The following ATP11C variants were observed in gnomAD, a reference collection of about 807,000 sequenced individuals.
The protein encoded by ATP11C is phospholipid-transporting ATPase IG.
In ATP11C, 36 loss-of-function variants were observed where a neutral mutation model predicts 97.4. That is an observed-to-expected ratio of 0.37 (90% CI 0.28 to 0.49). ATP11C has a LOEUF of 0.49. Ranked by LOEUF, ATP11C falls within the 20% of genes least tolerant of loss-of-function variation. The probability of loss-of-function intolerance (pLI) is 0.98; values close to 1 mark genes in which losing one functional copy is unlikely to be tolerated. For synonymous variants in ATP11C, 275 were observed against 290.9 expected, an observed-to-expected ratio of 0.95 and a Z score of 0.56; for missense variants, 730 against 824.6, an observed-to-expected ratio of 0.89 and a Z score of 1.40.
chrX:139,891,159 T>A (rs1200941836), intron 1 of ATP11C, among the ~76,000 whole-genome samples: 1 of 39,893 alleles, frequency 2.5e-5, no homozygotes, highest in African/African-American at 1.1e-4. Context: ...AAGATTTGCA[T>A]AAAGAAAGAT....
At chrX:139,881,136 G>A (rs1051569731) in intron 1 of ATP11C, among the ~76,000 whole-genome samples, 1 of 111,825 alleles carries the variant, frequency 8.9e-6, no homozygotes, top group African/African-American at 3.3e-5. Context: ...CTCTATGCCA[G>A]GCACAGTCTA....
chrX:139,739,952 A>G (rs764167527), intron 27 of ATP11C, among the ~76,000 whole-genome samples: 2 of 112,039 alleles, frequency 1.8e-5, no homozygotes, highest in East Asian at 5.7e-4. Context: ...TAAAGCTGGT[A>G]CTTCCTTAAA....
Position 139,932,123 on chromosome X carries a change from T to C in ATP11C, c.-81A>G. 1 of 973,937 alleles carries C rather than the reference T, an allele frequency of 1.0e-6. No homozygotes were observed. The highest frequency in any genetic ancestry group is 1.3e-6 in the Non-Finnish European group (1 of 753,231). 80.3% of individuals were successfully genotyped at this position (973,937 alleles called of 1,213,427 possible). A position where few individuals can be genotyped will look rare whatever the true frequency, so the allele number is the denominator to read the frequency against. ...GCCGTCCACAAAACACACTGCGGCG[T>C]GGGCCGGCGGCGCCAAGCGGAGCAG... On this transcript the variant is annotated 5_prime_UTR_variant, in exon 1 of 30. Coordinates refer to ENST00000682941, the MANE Select transcript of ATP11C (RefSeq NM_001353812.2).
chrX:139,918,282 T>C (rs1048571199), intron 1 of ATP11C, among the ~76,000 whole-genome samples: 4 of 111,309 alleles, frequency 3.6e-5, no homozygotes, highest in African/African-American at 1.3e-4. Context: ...AAACAAAATA[T>C]ATATATACGC....
intron 1 of ATP11C, among the ~76,000 whole-genome samples, chrX:139,866,358 A>AAAAAAAAAAC (rs1322433539): frequency 9.5e-6 from 1 of 105,602 alleles, no homozygotes. Flanking sequence ...AAAAAAAAAA[A>AAAAAAAAAAC]AAAAAAAAAC....
intron 1 of ATP11C, among the ~76,000 whole-genome samples, chrX:139,846,179 C>A (rs993275857): frequency 1.8e-5 from 2 of 112,082 alleles, no homozygotes; most frequent in African/African-American, 6.5e-5. Flanking sequence ...TATAACAAAC[C>A]GGAATAAGCT....
At chrX:139,928,672 G>A (rs1355546990) in intron 1 of ATP11C, among the ~76,000 whole-genome samples, 1 of 110,951 alleles carries the variant, frequency 9.0e-6, no homozygotes, top group African/African-American at 3.3e-5. Flanking sequence ...TCCTAGTCCT[G>A]GGCATCTTCT....
intron 1 of ATP11C, among the ~76,000 whole-genome samples, chrX:139,841,887 T>C (rs185072000): frequency 1.5e-3 from 173 of 112,375 alleles, no homozygotes; most frequent in African/African-American, 5.1e-3. Flanking sequence ...TAAGGAAAGT[T>C]ATTTCTTCCT....
At chrX:139,868,697 A>T (rs2084323458) in intron 1 of ATP11C, among the ~76,000 whole-genome samples, 1 of 108,361 alleles carries the variant, frequency 9.2e-6, no homozygotes, top group Non-Finnish European at 1.9e-5. Context: ...ACTGCACTCC[A>T]GCCTGGGTGA....
intron 1 of ATP11C, among the ~76,000 whole-genome samples, chrX:139,887,754 T>C (rs2084666541): frequency 9.0e-6 from 1 of 111,071 alleles, no homozygotes; most frequent in Non-Finnish European, 1.9e-5. Flanking sequence ...CGGATTTGCC[T>C]GAGCTCAGGA....
chrX:139,727,406 C>A lies in ATP11C; in HGVS notation c.*1560G>T, dbSNP rs183632238. 236 of 110,635 alleles carry A rather than the reference C, an allele frequency of 2.1e-3. No individual in the cohort carries two copies. The highest frequency in any genetic ancestry group is 3.2e-3 in the Non-Finnish European group (168 of 52,672). The allele number at this position is 110,635 out of a possible 1,213,427, so 9.1% of individuals were successfully genotyped here. A position where few individuals can be genotyped will look rare whatever the true frequency, so the allele number is the denominator to read the frequency against. Reference sequence around the variant, plus strand: ...TGTGAATGACATGTAACAAAATGCTCAAAAATAATACTGATATATGAGAGC... The same window carrying A: ...TGTGAATGACATGTAACAAAATGCTAAAAAATAATACTGATATATGAGAGC... On this transcript the variant is annotated 3_prime_UTR_variant, in exon 30 of 30. Coordinates refer to ENST00000682941, the MANE Select transcript of ATP11C (RefSeq NM_001353812.2).
intron 1 of ATP11C, among the ~76,000 whole-genome samples, chrX:139,909,744 T>C (rs1320336605): frequency 8.9e-6 from 1 of 111,993 alleles, no homozygotes; most frequent in Non-Finnish European, 1.9e-5. Context: ...TGTGTATCCA[T>C]AAATATCTCA....
intron 1 of ATP11C, among the ~76,000 whole-genome samples, chrX:139,879,062 A>G (rs1159912453): frequency 9.0e-6 from 1 of 111,493 alleles, no homozygotes; most frequent in East Asian, 2.8e-4. Context: ...GTGAGCCACG[A>G]TAGTACCACT....
intron 1 of ATP11C, among the ~76,000 whole-genome samples, chrX:139,856,360 G>A (rs1020569027): frequency 8.9e-6 from 1 of 112,970 alleles, no homozygotes; most frequent in Non-Finnish European, 1.9e-5. Context: ...TGACAGGGAG[G>A]AAACTTATCA....
chrX:139,800,303 A>G (rs1203323929), intron 7 of ATP11C, among the ~76,000 whole-genome samples, 193 bp from the exon 8 acceptor site: 1 of 112,112 alleles, frequency 8.9e-6, no homozygotes, highest in Non-Finnish European at 1.9e-5. Context: ...ACATTTTCAT[A>G]TAATTTTTAA....
At chrX:139,765,468 A>C (rs1376474448) in intron 20 of ATP11C, among the ~76,000 whole-genome samples, 1 of 112,131 alleles carries the variant, frequency 8.9e-6, no homozygotes, top group East Asian at 2.8e-4. Flanking sequence ...CATCCATGTA[A>C]GAAGGCCTAG....
intron 1 of ATP11C, among the ~76,000 whole-genome samples, chrX:139,866,312 C>CCAG (rs1287837289): frequency 1.1e-5 from 1 of 93,799 alleles, no homozygotes; most frequent in Non-Finnish European, 2.0e-5. Flanking sequence ...CCACTATACT[C>CCAG]CAGCCTGGGT....
At chrX:139,892,075 T>C (rs991996383) in intron 1 of ATP11C, among the ~76,000 whole-genome samples, 2 of 111,551 alleles carry the variant, frequency 1.8e-5, no homozygotes, top group African/African-American at 6.5e-5. Flanking sequence ...CAGGCTGGTC[T>C]CCAATTCCTG....
In ATP11C at chrX:139,752,736, A is replaced by C. The variant is rs568991078; in HGVS notation, c.2701-2584T>G. Among the ~76,000 whole-genome samples, 8 of 112,371 alleles carry C rather than the reference A, an allele frequency of 7.1e-5. No homozygotes were observed. In the Admixed American group the frequency reaches 7.5e-4, roughly 11 times the overall value. Reference sequence around the variant, plus strand: ...CATCCAAGAAAGTAAGGAATTAGCAACATTTTGCTCAATAGCAATTTGAAT... The same window carrying C: ...CATCCAAGAAAGTAAGGAATTAGCACCATTTTGCTCAATAGCAATTTGAAT... On this transcript the variant is annotated intron_variant, in intron 23 of 29. Transcript: ENST00000682941.
Sources: allele counts gnomAD v4.1 joint callset (sites outside exome capture counted in the v4.1 genomes callset), GRCh38; gene constraint gnomAD v4.1.1; transcripts MANE v1.5; gene names NCBI Gene and HGNC (gene_info 2026-07-23, HGNC 2026-07-21).